FHOD3: variants seen among roughly 807,000 people sequenced by gnomAD.
FHOD3 encodes the protein formin homology 2 domain containing 3.
FHOD3 carries 90 observed loss-of-function variants against 173.0 expected under a neutral mutation model. The observed-to-expected ratio is 0.52, with a 90% CI of 0.44 to 0.62. The LOEUF (loss-of-function observed/expected upper bound fraction) is 0.62, where lower values mean the gene tolerates loss of function less well. FHOD3 is among the 20% of genes least tolerant of loss of function. FHOD3 has a pLI of 0.00. For synonymous variants in FHOD3, 828 were observed against 823.0 expected (o/e 1.01, Z -0.10); for missense variants, 1,945 against 2,034.7 (o/e 0.96, Z 0.85).
chr18:36,629,471 T>A (rs1209064911), intron 10 of FHOD3, among the ~76,000 whole-genome samples: 1 of 152,218 alleles, frequency 6.6e-6, no homozygotes, highest in Non-Finnish European at 1.5e-5. Flanking sequence ...GCCCACAGGC[T>A]GTAGTTTGCC....
intron 4 of FHOD3, among the ~76,000 whole-genome samples, chr18:36,505,433 G>C (rs1378516279): frequency 6.6e-6 from 1 of 152,144 alleles, no homozygotes; most frequent in African/African-American, 2.4e-5. Flanking sequence ...CTGAAAAATA[G>C]GAAAACATTG....
intron 9 of FHOD3, among the ~76,000 whole-genome samples, chr18:36,622,939 T>C (rs1270183533): frequency 6.6e-6 from 1 of 152,222 alleles, no homozygotes; most frequent in East Asian, 1.9e-4. Context: ...GCCTCCAATT[T>C]CTTGTTATGT....
intron 3 of FHOD3, among the ~76,000 whole-genome samples, chr18:36,497,698 C>T (rs1289570824): frequency 6.6e-6 from 1 of 152,080 alleles, no homozygotes; most frequent in Non-Finnish European, 1.5e-5. Context: ...AACTTCAAAG[C>T]ACCTAAAGCA....
rs191674017 is a variant in FHOD3 at position 36,340,510 on chromosome 18, T to C, written c.166-15029T>C. 3.9e-4 allele frequency among the ~76,000 whole-genome samples: 59 copies of C among 152,118 alleles called. No individual in the cohort carries two copies. In the Middle Eastern group the frequency reaches 0.014, roughly 35 times the overall value. The stretch of plus-strand genomic sequence containing the variant: ...TATAGTCTGTGTCTCACTTGACCTC[T>C]CATCACATTTTCCAGTTGACCATGT... On this transcript the variant is annotated intron_variant, in intron 1 of 28. Transcript: ENST00000590592.
intron 20 of FHOD3, 32 bp downstream of exon 20, chr18:36,730,836 T>C: frequency 6.2e-7 from 1 of 1,605,566 alleles, no homozygotes; most frequent in Non-Finnish European, 8.5e-7. Context: ...ATTATTTGTA[T>C]TTTATCTTAT....
intron 28 of FHOD3, chr18:36,778,371 C>A (rs1026021838): frequency 1.3e-5 from 2 of 152,206 alleles, no homozygotes; most frequent in Non-Finnish European, 2.9e-5. Flanking sequence ...AGGGTGAAGG[C>A]AGATCCATAA....
At chr18:36,774,960 G>A (rs2043559416) in intron 28 of FHOD3, among the ~76,000 whole-genome samples, 2 of 152,164 alleles carry the variant, frequency 1.3e-5, no homozygotes, top group South Asian at 2.1e-4. Flanking sequence ...TGGGAAGGCT[G>A]TGCATATAAT....
intron 4 of FHOD3, among the ~76,000 whole-genome samples, chr18:36,505,440 AT>A (rs2055255339): frequency 6.6e-6 from 1 of 152,206 alleles, no homozygotes; most frequent in African/African-American, 2.4e-5. Context: ...ATAGGAAAAC[AT>A]TGCATGAAGC....
At chr18:36,413,763 A>G (rs1367376718) in intron 3 of FHOD3, among the ~76,000 whole-genome samples, 1 of 152,226 alleles carries the variant, frequency 6.6e-6, no homozygotes, top group African/African-American at 2.4e-5. Flanking sequence ...TATACATAAC[A>G]GAAGAATTCC....
At chr18:36,664,777 T>TGAGTGAGA (rs2037047762) in intron 14 of FHOD3, among the ~76,000 whole-genome samples, 1 of 129,526 alleles carries the variant, frequency 7.7e-6, no homozygotes, top group Non-Finnish European at 1.6e-5. Flanking sequence ...TGTGTGTATG[T>TGAGTGAGA]GAGAGAGAGA....
At chr18:36,513,343 CAAAG>C (rs988361175) in intron 5 of FHOD3, among the ~76,000 whole-genome samples, 19 of 152,114 alleles carry the variant, frequency 1.2e-4, no homozygotes, top group Non-Finnish European at 2.6e-4. Flanking sequence ...AATTGAGACT[CAAAG>C]AAGTCATTAA....
intron 3 of FHOD3, among the ~76,000 whole-genome samples, chr18:36,475,501 G>C (rs1294410410): frequency 6.6e-6 from 1 of 151,766 alleles, no homozygotes; most frequent in Non-Finnish European, 1.5e-5. Flanking sequence ...GTGGGAGGTG[G>C]GGTGTGGTGG....
chr18:36,335,194 G>A (rs776225468), intron 1 of FHOD3, among the ~76,000 whole-genome samples: 1 of 152,114 alleles, frequency 6.6e-6, no homozygotes, highest in Non-Finnish European at 1.5e-5. Context: ...TAGCTGATAA[G>A]CTAAAACAAA....
chr18:36,649,283 G>C (rs751216790), intron 10 of FHOD3, 33 bp from the exon 11 acceptor site: 1 of 1,496,140 alleles, frequency 6.7e-7, no homozygotes. Context: ...CATGTTGTCT[G>C]TGTGCATTTC....
intron 14 of FHOD3, among the ~76,000 whole-genome samples, chr18:36,665,835 G>A (rs1029190218): frequency 1.3e-5 from 2 of 152,222 alleles, no homozygotes; most frequent in Non-Finnish European, 2.9e-5. Context: ...GATGCTGGTG[G>A]CAGTCAGCGC....
At chr18:36,675,974 A>T (rs186136386) in intron 14 of FHOD3, among the ~76,000 whole-genome samples, 4 of 152,320 alleles carry the variant, frequency 2.6e-5, no homozygotes, top group Admixed American at 2.0e-4. Context: ...AAGATATTTG[A>T]TATACAAGTT....
rs55924096 is a variant in FHOD3, at chr18:36,346,835, C to A, written c.166-8704C>A. On this transcript the variant is annotated intron_variant, in intron 1 of 28. Transcript: ENST00000590592. ...GTCTACTTTGGGCAGTGAGGCTCCC[C>A]CTCCATGGCCGGTGGCCTGCCTCCC... 2.8e-3 allele frequency among the ~76,000 whole-genome samples: 432 copies of A among 152,354 alleles called. 4 individuals carry two copies. The highest frequency in any genetic ancestry group is 0.01 in the African/African-American group (416 of 41,586).
At chr18:36,693,492 G>A in intron 17 of FHOD3, 69 bp downstream of exon 17, 1 of 1,398,236 alleles carries the variant, frequency 7.2e-7, no homozygotes, top group Non-Finnish European at 9.9e-7. Flanking sequence ...GGGCAGTAGT[G>A]ATGATTTCAA....
At chr18:36,660,785 T>C (rs2036742278) in intron 14 of FHOD3, among the ~76,000 whole-genome samples, 1 of 152,170 alleles carries the variant, frequency 6.6e-6, no homozygotes, top group Non-Finnish European at 1.5e-5. Context: ...TGAAGAAGGC[T>C]CTGGAGTTAA....
Sources: allele counts gnomAD v4.1 joint callset (sites outside exome capture counted in the v4.1 genomes callset), GRCh38; gene constraint gnomAD v4.1.1; transcripts MANE v1.5; gene names NCBI Gene and HGNC (gene_info 2026-07-23, HGNC 2026-07-21).